ASTN1: variants seen among roughly 807,000 people sequenced by gnomAD.
ASTN1 encodes astrotactin-1.
ASTN1 carries 41 observed loss-of-function variants against 140.7 expected under a neutral mutation model. The ratio of observed to expected loss-of-function variants is 0.29; its 90% CI spans 0.23 to 0.38. ASTN1 has a LOEUF of 0.38. ASTN1 is among the 10% of genes least tolerant of loss of function. The probability of loss-of-function intolerance (pLI) is 1.00; values close to 1 mark genes in which losing one functional copy is unlikely to be tolerated. For synonymous variants in ASTN1, 640 were observed against 652.2 expected (o/e 0.98, Z 0.29); for missense variants, 1,479 against 1,678.8 (o/e 0.88, Z 2.08).
rs547064856 is a variant in ASTN1 at position 177,018,969 on chromosome 1, G to A, written c.1439-4094C>T. Reference sequence around the variant, plus strand: ...GGGGACATATGGGAGAGAATGTCAGGGTGCAGTTGGCAAAGGGGGCTAACA... The same window carrying A: ...GGGGACATATGGGAGAGAATGTCAGAGTGCAGTTGGCAAAGGGGGCTAACA... On this transcript the variant is annotated intron_variant, in intron 7 of 22. Coordinates refer to ENST00000361833, the MANE Select transcript of ASTN1 (RefSeq NM_004319.3). 7.9e-5 allele frequency among the ~76,000 whole-genome samples: 12 copies of A among 152,290 alleles called. No homozygotes were observed. In the South Asian group the frequency reaches 2.5e-3, roughly 32 times the overall value.
At chr1:176,924,561 G>A (rs1190213569) in intron 16 of ASTN1, among the ~76,000 whole-genome samples, 2 of 152,028 alleles carry the variant, frequency 1.3e-5, no homozygotes, top group Non-Finnish European at 2.9e-5. Context: ...TAGGATATGA[G>A]CTCCAGAAAA....
chr1:176,945,897 A>T, intron 13 of ASTN1, 29 bp downstream of exon 13: 1 of 1,561,388 alleles, frequency 6.4e-7, no homozygotes, highest in Non-Finnish European at 8.7e-7. Context: ...ACAGTCTTGA[A>T]CAATCAGTTC....
At chr1:176,974,311 GCAGT>G (rs1460846068) in intron 8 of ASTN1, among the ~76,000 whole-genome samples, 1 of 152,036 alleles carries the variant, frequency 6.6e-6, no homozygotes, top group Non-Finnish European at 1.5e-5. Context: ...ACCTTGGGAT[GCAGT>G]CAATTTTTAA....
chr1:176,924,713 G>A (rs1389780165), intron 16 of ASTN1, among the ~76,000 whole-genome samples: 1 of 152,168 alleles, frequency 6.6e-6, no homozygotes, highest in East Asian at 1.9e-4. Flanking sequence ...CATATCTGGA[G>A]TAGTTGGGAA....
At chr1:176,870,175 A>G (rs1227055902) in intron 21 of ASTN1, among the ~76,000 whole-genome samples, 1 of 152,198 alleles carries the variant, frequency 6.6e-6, no homozygotes, top group Non-Finnish European at 1.5e-5. Flanking sequence ...ATGTATTTAC[A>G]TTTTTCTCTC....
intron 5 of ASTN1, among the ~76,000 whole-genome samples, chr1:177,027,141 T>A (rs1676158514): frequency 6.6e-6 from 1 of 152,158 alleles, no homozygotes; most frequent in African/African-American, 2.4e-5. Context: ...AGAAGGCCAT[T>A]TTGTCACCTT....
chr1:176,999,501 C>T (rs1032258041), intron 8 of ASTN1, among the ~76,000 whole-genome samples: 1 of 152,180 alleles, frequency 6.6e-6, no homozygotes, highest in African/African-American at 2.4e-5. Context: ...TTGATGAATT[C>T]ATGTGGAATT....
chr1:177,024,809 C>A (rs1237832707), intron 5 of ASTN1, 77 bp from the exon 6 acceptor site: 4 of 1,501,208 alleles, frequency 2.7e-6, no homozygotes, highest in Non-Finnish European at 3.7e-6. Flanking sequence ...TTTTGCCAAT[C>A]ATCCTGGCAA....
intron 8 of ASTN1, among the ~76,000 whole-genome samples, chr1:176,996,622 G>A (rs1674462057): frequency 6.6e-6 from 1 of 152,188 alleles, no homozygotes; most frequent in Non-Finnish European, 1.5e-5. Flanking sequence ...AGGGCCAGAG[G>A]AGAGAACAGC....
chr1:176,974,128 C>T (rs1462176399), intron 8 of ASTN1, among the ~76,000 whole-genome samples: 5 of 152,122 alleles, frequency 3.3e-5, no homozygotes, highest in African/African-American at 1.2e-4. Flanking sequence ...TATGTGCACA[C>T]AGGTGCTTTA....
chr1:176,886,786 C>T (rs1392013097), intron 18 of ASTN1, among the ~76,000 whole-genome samples: 1 of 152,226 alleles, frequency 6.6e-6, no homozygotes, highest in African/African-American at 2.4e-5. Context: ...TCTGTTGCTC[C>T]TGCCTACTCA....
intron 1 of ASTN1, among the ~76,000 whole-genome samples, chr1:177,119,891 C>G (rs566143176): frequency 6.6e-6 from 1 of 152,286 alleles, no homozygotes; most frequent in Admixed American, 6.5e-5. Flanking sequence ...GCAGAGGCTG[C>G]CCCCTCAGTC....
intron 1 of ASTN1, among the ~76,000 whole-genome samples, chr1:177,126,447 G>A (rs888951689): frequency 6.6e-6 from 1 of 152,152 alleles, no homozygotes; most frequent in Non-Finnish European, 1.5e-5. Flanking sequence ...GATACTCTAG[G>A]GTCTGAGATC....
chr1:177,011,133 T>C (rs1483006757), intron 8 of ASTN1, among the ~76,000 whole-genome samples: 1 of 152,166 alleles, frequency 6.6e-6, no homozygotes, highest in Non-Finnish European at 1.5e-5. Flanking sequence ...TTATTTACCA[T>C]TCCTGAAAAA....
chr1:177,010,879 G>T (rs1163133792), intron 8 of ASTN1, among the ~76,000 whole-genome samples: 1 of 152,170 alleles, frequency 6.6e-6, no homozygotes, highest in East Asian at 1.9e-4. Context: ...AACCCCAAGA[G>T]GTTTCGTGTT....
chr1:176,879,910 A>G (rs1235204412), intron 20 of ASTN1, among the ~76,000 whole-genome samples: 2 of 152,258 alleles, frequency 1.3e-5, no homozygotes, highest in East Asian at 3.9e-4. Flanking sequence ...TTTCATCATC[A>G]TGGCCGGGGG....
At chr1:176,927,540 T>G (rs1253366411) in intron 16 of ASTN1, among the ~76,000 whole-genome samples, 3 of 152,224 alleles carry the variant, frequency 2.0e-5, no homozygotes, top group Non-Finnish European at 4.4e-5. Flanking sequence ...TAAAATCAGT[T>G]TCCTTTTTTC....
chr1:176,892,650 T>C (rs1669314961), intron 17 of ASTN1, among the ~76,000 whole-genome samples: 1 of 152,224 alleles, frequency 6.6e-6, no homozygotes, highest in Non-Finnish European at 1.5e-5. Context: ...AAATATAGCA[T>C]CAGAGATTAT....
At chr1:177,066,311 T>A in intron 1 of ASTN1, among the ~76,000 whole-genome samples, 1 of 152,130 alleles carries the variant, frequency 6.6e-6, no homozygotes, top group Non-Finnish European at 1.5e-5. Context: ...CTAAGAAAGA[T>A]AATTTAGAGC....
Sources: gnomAD v4.1 joint callset for allele counts (sites outside exome capture counted in the v4.1 genomes callset) on GRCh38, gnomAD v4.1.1 for gene constraint, MANE v1.5 for transcripts, NCBI Gene and HGNC (gene_info 2026-07-23, HGNC 2026-07-21) for gene names.